RIC1: variants seen among roughly 807,000 people sequenced by gnomAD.
RIC1 encodes the protein RIC1 partner of RAB6A GEF complex, also known as guanine nucleotide exchange factor subunit RIC1.
Under a neutral mutation model 169.0 loss-of-function variants are expected in RIC1, and 88 were observed. The ratio of observed to expected loss-of-function variants is 0.52; its 90% confidence interval spans 0.44 to 0.62. The LOEUF is 0.62. RIC1 is among the 20% of genes least tolerant of loss of function. The probability of loss-of-function intolerance (pLI) is 0.00; values close to 1 mark genes in which losing one functional copy is unlikely to be tolerated. For synonymous variants in RIC1, 790 were observed against 601.5 expected, an observed-to-expected ratio of 1.31 and a Z score of -4.59; for missense variants, 1,877 against 1,725.5, an observed-to-expected ratio of 1.09 and a Z score of -1.56.
intron 1 of RIC1, among the ~76,000 whole-genome samples, chr9:5,651,136 G>C (rs867665686): frequency 1.3e-5 from 2 of 152,304 alleles, no homozygotes; most frequent in East Asian, 1.9e-4. Flanking sequence ...CTGTAAGCTA[G>C]GGTTGCAGGA....
chr9:5,669,431 A>G (rs59900911), intron 2 of RIC1, among the ~76,000 whole-genome samples: 2,734 of 152,304 alleles, frequency 0.018, 80 homozygotes, highest in African/African-American at 0.061. Context: ...ATAGTCTTCA[A>G]TTCCATCCAG....
At chr9:5,771,778 TAC>T (rs1313756671) in intron 23 of RIC1, among the ~76,000 whole-genome samples, 4 of 152,190 alleles carry the variant, frequency 2.6e-5, no homozygotes, top group African/African-American at 9.7e-5. Context: ...TATTAAAAAG[TAC>T]AGTTAATAAT....
At chr9:5,676,909 G>C (rs1820483939) in intron 2 of RIC1, among the ~76,000 whole-genome samples, 1 of 152,132 alleles carries the variant, frequency 6.6e-6, no homozygotes, top group Admixed American at 6.6e-5. Context: ...TCTCACAGTT[G>C]GTTTATCCAT....
Position 5,774,308 on chromosome 9 carries a change from G to A in RIC1, c.*62G>A. 1 of 1,400,646 alleles carries A rather than the reference G, an allele frequency of 7.1e-7. No homozygotes were observed. The highest frequency in any genetic ancestry group is 2.3e-5 in the East Asian group (1 of 43,310). The allele number at this position is 1,400,646 out of a possible 1,614,324, so 86.8% of individuals were successfully genotyped here. A position where few individuals can be genotyped will look rare whatever the true frequency, so the allele number is the denominator to read the frequency against. On this transcript the variant is annotated 3_prime_UTR_variant, in exon 26 of 26. Transcript: ENST00000414202. ...GCAGCAGCGTGCAGCTCAGTACGTT[G>A]TAACATAGTTGGATGATTTAACAGG...
chr9:5,656,261 G>A (rs1016262615), intron 1 of RIC1, among the ~76,000 whole-genome samples: 1 of 152,168 alleles, frequency 6.6e-6, no homozygotes, highest in Non-Finnish European at 1.5e-5. Flanking sequence ...CTTCTATCTT[G>A]TGGAAGGCTT....
chr9:5,757,522 G>A lies in RIC1; in HGVS notation c.1992+71G>A, dbSNP rs41302067. 1.2e-3 allele frequency: 1,892 copies of A among 1,517,604 alleles called. 22 individuals carry two copies. Among genetic ancestry groups the A allele is most frequent in the Non-Finnish European group, 2.0e-4 (217 of 1,103,110 alleles). 94.0% of individuals were successfully genotyped at this position (1,517,604 alleles called of 1,614,324 possible). On this transcript the variant is annotated intron_variant, in intron 17 of 25. Transcript: ENST00000414202. The stretch of plus-strand genomic sequence containing the variant: ...TTAGTATTTGAGTCCATATTAGGAA[G>A]TATTTGTTTGGCAAATAAATACTAA...
At chr9:5,631,568 C>T (rs999475345) in intron 1 of RIC1, among the ~76,000 whole-genome samples, 1 of 151,716 alleles carries the variant, frequency 6.6e-6, no homozygotes, top group African/African-American at 2.4e-5. Flanking sequence ...ACGCCTATAG[C>T]CCCAGCTACT....
Position 5,774,174 on chromosome 9 carries a change from A to C in RIC1, c.4200A>C (p.Lys1400Asn). 1 of 1,614,084 alleles carries C rather than the reference A, an allele frequency of 6.2e-7. No individual in the cohort carries two copies. Among genetic ancestry groups the C allele is most frequent in the South Asian group, 1.1e-5 (1 of 91,082 alleles). Residue 1400 changes from lysine (K) to asparagine (N), a missense_variant, in exon 26 of 26, where the codon AAA becomes AAC. This residue lies in a region of RIC1 where 681 missense variants were observed against 582.0 expected (regional missense o/e 1.17). Transcript: ENST00000414202. The stretch of plus-strand genomic sequence containing the variant: ...GAAGCAGCAATATGGTCAGCCGGAA[A>C]GAGGAGGACACAGCCCAAGCAGAGG... ...EVGSSNMVSR[K>N]EEDTAQAEEE...
intron 3 of RIC1, among the ~76,000 whole-genome samples, chr9:5,700,880 GACA>G (rs1822171932): frequency 6.6e-6 from 1 of 152,114 alleles, no homozygotes; most frequent in African/African-American, 2.4e-5. Context: ...GTTTCACAAA[GACA>G]ACTGCAAGTT....
chr9:5,675,433 GA>G (rs1563889034), intron 2 of RIC1, among the ~76,000 whole-genome samples: 1 of 152,176 alleles, frequency 6.6e-6, no homozygotes, highest in Non-Finnish European at 1.5e-5. Flanking sequence ...GAGAAACTTA[GA>G]ACTCCTATCT....
rs768746098 is a variant in RIC1, at chr9:5,770,217, C to T, written c.3555C>T (p.Asp1185=). 1 of 1,614,008 alleles carries T rather than the reference C, an allele frequency of 6.2e-7. No homozygotes were observed. The highest frequency in any genetic ancestry group is 1.7e-5 in the Admixed American group (1 of 60,020). Residue 1185 remains aspartate, a synonymous_variant, in exon 23 of 26, where the codon GAC becomes GAT. Transcript: ENST00000414202. The stretch of plus-strand genomic sequence containing the variant: ...TTGGCCCCACCCATCATGAGATAGA[C>T]ACAGCTTCATCCCATGGACCACAAA... ...SNIGPTHHEI[D]TASSHGPQMQ...
intron 8 of RIC1, among the ~76,000 whole-genome samples, chr9:5,742,401 G>C (rs7850664): frequency 0.31 from 47,439 of 151,878 alleles, 8,311 homozygotes; most frequent in East Asian, 0.59. Flanking sequence ...TTTTTTCAGT[G>C]TGGAAGTCAT....
intron 2 of RIC1, among the ~76,000 whole-genome samples, chr9:5,689,077 C>G (rs1384938791): frequency 1.9e-5 from 2 of 105,312 alleles, no homozygotes; most frequent in Non-Finnish European, 3.4e-5. Context: ...GAGACGGAGT[C>G]TCGCTCTGTC....
At chr9:5,717,530 C>G (rs1823325945) in intron 4 of RIC1, among the ~76,000 whole-genome samples, 1 of 152,100 alleles carries the variant, frequency 6.6e-6, no homozygotes, top group Non-Finnish European at 1.5e-5. Flanking sequence ...AAAATGGGGT[C>G]AGTGTTCCAA....
intron 1 of RIC1, among the ~76,000 whole-genome samples, chr9:5,653,889 C>G (rs915615901): frequency 2.0e-5 from 3 of 152,310 alleles, no homozygotes; most frequent in Admixed American, 2.0e-4. Flanking sequence ...CACAACCACA[C>G]CCAGCCTGTC....
At chr9:5,710,756 A>AG (rs1247717607) in intron 3 of RIC1, among the ~76,000 whole-genome samples, 1 of 152,214 alleles carries the variant, frequency 6.6e-6, no homozygotes, top group Non-Finnish European at 1.5e-5. Context: ...CAAACAAGGT[A>AG]GGATGGTTTA....
chr9:5,634,188 A>G (rs541775130), intron 1 of RIC1, among the ~76,000 whole-genome samples: 2 of 152,348 alleles, frequency 1.3e-5, no homozygotes, highest in African/African-American at 4.8e-5. Context: ...TAATGCTGCA[A>G]TGAATATGAA....
chr9:5,722,408 A>G (rs558706445), intron 6 of RIC1, among the ~76,000 whole-genome samples: 46 of 149,034 alleles, frequency 3.1e-4, no homozygotes, highest in Non-Finnish European at 6.2e-4. Context: ...GTGTGGGTCT[A>G]TAGGTATGTA....
In RIC1 at chr9:5,703,334, C is replaced by T. The variant is rs72693708; in HGVS notation, c.333-10562C>T. Reference sequence around the variant, plus strand: ...GTAGGGCAGTCATTAATTCTTAAAGCTCCAAAATAACCTCCTTTGACTCCA... The same window carrying T: ...GTAGGGCAGTCATTAATTCTTAAAGTTCCAAAATAACCTCCTTTGACTCCA... On this transcript the variant is annotated intron_variant, in intron 3 of 25. Coordinates refer to ENST00000414202, the MANE Select transcript of RIC1 (RefSeq NM_020829.4). Among the ~76,000 whole-genome samples, 1,434 of 152,272 alleles carry T rather than the reference C, an allele frequency of 9.4e-3. 8 individuals are homozygous for T. Among genetic ancestry groups the T allele is most frequent in the Non-Finnish European group, 0.015 (1,028 of 68,002 alleles).
Sources: allele counts gnomAD v4.1 joint callset (sites outside exome capture counted in the v4.1 genomes callset), GRCh38; gene constraint gnomAD v4.1.1; regional missense constraint gnomAD v4.1.1; transcripts MANE v1.5; gene names NCBI Gene and HGNC (gene_info 2026-07-23, HGNC 2026-07-21).